The following WEE1 variants were observed in gnomAD, a reference collection of about 807,000 sequenced individuals.
The protein encoded by WEE1 is WEE1 G2 checkpoint kinase, also known as wee1-like protein kinase.
A neutral mutation model predicts 68.8 loss-of-function variants in WEE1; 16 were observed. That is an observed-to-expected ratio of 0.23 (90% CI 0.16 to 0.35). WEE1 has a LOEUF of 0.35. Among genes scored for constraint, WEE1 ranks in the 10% least tolerant of loss-of-function variants. WEE1 has a pLI of 1.00. For synonymous variants in WEE1, 349 were observed against 318.7 expected (o/e 1.09, Z -1.01); for missense variants, 651 against 824.1 (o/e 0.79, Z 2.57).
intron 6 of WEE1, among the ~76,000 whole-genome samples, chr11:9,583,788 CACACACACACACACATATATATAT>C (rs1849663058): frequency 3.3e-5 from 1 of 30,708 alleles, no homozygotes; most frequent in South Asian, 1.2e-3. Context: ...CACACACACA[CACACACACACACACATATATATAT>C]ATATATATAT....
At position 9,576,106 on chromosome 11, in the gene WEE1, T is replaced by C; in HGVS notation, c.782+13T>C. The C allele has an allele frequency of 6.2e-7, 1 of 1,613,574 alleles. No individual in the cohort carries two copies. The highest frequency in any genetic ancestry group is 8.5e-7 in the Non-Finnish European group (1 of 1,179,566). ...CGTATTGGAATGAGTAAGTCGTTTATTTAACAGTTTGGTTCTCCAAATAAC... is the reference window on the plus strand; with the variant it reads ...CGTATTGGAATGAGTAAGTCGTTTACTTAACAGTTTGGTTCTCCAAATAAC... On this transcript the variant is annotated intron_variant, in intron 2 of 10. Coordinates refer to ENST00000450114, the MANE Select transcript of WEE1 (RefSeq NM_003390.4). This position sits in a 1 kb window ranked among gnomAD's most constrained non-coding sequence, Gnocchi z 4.3.
intron 6 of WEE1, among the ~76,000 whole-genome samples, chr11:9,584,705 T>C (rs528412255): frequency 2.6e-5 from 4 of 152,300 alleles, no homozygotes; most frequent in African/African-American, 9.6e-5. Context: ...TACTACCTTT[T>C]TTGCTGAAGG....
In WEE1 at chr11:9,574,423, C is replaced by A. The variant is rs1022143825; in HGVS notation, c.490C>A (p.Arg164Ser). 3.3e-6 allele frequency: 4 copies of A among 1,218,798 alleles called. No homozygotes were observed. Among genetic ancestry groups the A allele is most frequent in the Non-Finnish European group, 3.0e-6 (3 of 985,062 alleles). 75.5% of individuals were successfully genotyped at this position (1,218,798 alleles called of 1,614,324 possible). ...GGCGCGCCGGGCGGGCGAAGGCCGC[C>A]GCTCGCCGCGGCCGGACCACCCGGG... ...CGARRAGEGRRSPRPDHPGTP... is the reference protein window; with the variant it reads ...CGARRAGEGRSSPRPDHPGTP... The change falls in exon 1 of 11, where the codon CGC becomes AGC. Residue 164 changes from arginine to serine, a missense_variant. Physicochemically the swap from Arg to Ser is moderately radical, Grantham distance 110. Transcript: ENST00000450114. This position sits in a 1 kb window ranked among gnomAD's most constrained non-coding sequence, Gnocchi z 4.9.
At chr11:9,586,300 A>C (rs747190217) in intron 8 of WEE1, 149 bp from the exon 9 acceptor site, 1 of 627,118 alleles carries the variant, frequency 1.6e-6, no homozygotes, top group Non-Finnish European at 2.6e-6. Context: ...CAAATTTAGC[A>C]GTTTATTCTC....
In WEE1 at chr11:9,581,292, GT is replaced by G. The variant is rs1383095236; in HGVS notation, c.1142-239del. On this transcript the variant is annotated intron_variant, in intron 5 of 10. Transcript: ENST00000450114. ...CTGGTTTACTCTGAGAAAGAAACAG[GT>G]GGATTGCTGAGGTGTATGATTGAGA... The G allele has an allele frequency of 1.6e-4, 67 of 406,158 alleles. No homozygotes were observed. The East Asian group carries it at 2.5e-3, about 15-fold the overall frequency. 25.2% of individuals were successfully genotyped at this position (406,158 alleles called of 1,614,324 possible).
In WEE1 at chr11:9,589,193, A is replaced by G. The variant is rs1338290968; in HGVS notation, c.*591A>G. 1.0e-6 allele frequency: 1 copy of G among 985,694 alleles called. No homozygotes were observed. The highest frequency in any genetic ancestry group is 1.7e-5 in the African/African-American group (1 of 57,212). 61.1% of individuals were successfully genotyped at this position (985,694 alleles called of 1,614,324 possible). On this transcript the variant is annotated 3_prime_UTR_variant, in exon 11 of 11. Coordinates refer to ENST00000450114, the MANE Select transcript of WEE1 (RefSeq NM_003390.4). ...TTGCTGTAAACTTGTAGCATTAAACAATCATTGTTGTTAATAGGTCTTCTT... is the reference window on the plus strand; with the variant it reads ...TTGCTGTAAACTTGTAGCATTAAACGATCATTGTTGTTAATAGGTCTTCTT...
chr11:9,580,581 C>T (rs989482302), intron 5 of WEE1: 5 of 150,748 alleles, frequency 3.3e-5, no homozygotes, highest in African/African-American at 7.3e-5. Flanking sequence ...CTCCTGCCTT[C>T]TGAGTAGCTG....
In WEE1 at chr11:9,589,239, T is replaced by G; in HGVS notation, c.*637T>G. The G allele has an allele frequency of 1.0e-6, 1 of 985,602 alleles. No individual in the cohort carries two copies. The highest frequency in any genetic ancestry group is 1.2e-6 in the Non-Finnish European group (1 of 829,814). The allele number at this position is 985,602 out of a possible 1,614,324, so 61.1% of individuals were successfully genotyped here. ...TTCTTTTTGAAACAATTATGTGAAA[T>G]GTATAGCTGCTTTTGATGAAAAGCA... On this transcript the variant is annotated 3_prime_UTR_variant, in exon 11 of 11. Coordinates refer to ENST00000450114, the MANE Select transcript of WEE1 (RefSeq NM_003390.4).
intron 6 of WEE1, 122 bp from the exon 7 acceptor site, chr11:9,585,131 GGGTTT>G: frequency 1.4e-6 from 1 of 738,894 alleles, no homozygotes; most frequent in Non-Finnish European, 2.2e-6. Flanking sequence ...CTTATTCCAT[GGGTTT>G]GGGCTAGAAC....
At position 9,574,076 on chromosome 11, in the gene WEE1, G is replaced by A. The variant is rs1482412007; in HGVS notation, c.143G>A (p.Ser48Asn). ...EEEEEEGSGH[S>N]TGEDSAFQEP... Reference sequence around the variant, plus strand: ...GAGGAGGAGGAGGGCAGCGGCCACAGCACCGGGGAGGACTCGGCCTTTCAA... The same window carrying A: ...GAGGAGGAGGAGGGCAGCGGCCACAACACCGGGGAGGACTCGGCCTTTCAA... Residue 48 changes from serine to asparagine, a missense_variant, in exon 1 of 11, where the codon AGC (serine) becomes AAC (asparagine). Physicochemically the swap from Ser to Asn is conservative, Grantham distance 46 (BLOSUM62 1). Transcript: ENST00000450114. This position sits in a 1 kb window ranked among gnomAD's most constrained non-coding sequence, Gnocchi z 4.9. 1 of 1,240,524 alleles carries A rather than the reference G, an allele frequency of 8.1e-7. No individual in the cohort carries two copies. The highest frequency in any genetic ancestry group is 1.0e-6 in the Non-Finnish European group (1 of 991,302). The allele number at this position is 1,240,524 out of a possible 1,614,324, so 76.8% of individuals were successfully genotyped here.
intron 6 of WEE1, 148 bp from the exon 7 acceptor site, chr11:9,585,110 C>A (rs1369951322): frequency 4.6e-6 from 3 of 652,050 alleles, no homozygotes; most frequent in Non-Finnish European, 7.8e-6. Context: ...TGGTTTCTGT[C>A]CCCTGAGATG....
At chr11:9,582,601 C>G (rs2134349919) in intron 6 of WEE1, among the ~76,000 whole-genome samples, 1 of 152,254 alleles carries the variant, frequency 6.6e-6, no homozygotes, top group South Asian at 2.1e-4. Flanking sequence ...GAGTCTCGCT[C>G]TGTTGCCCAG....
At chr11:9,577,354 ACTTTTAT>A in intron 5 of WEE1, 91 bp downstream of exon 5, 4 of 1,454,748 alleles carry the variant, frequency 2.7e-6, no homozygotes, top group Non-Finnish European at 3.7e-6. Flanking sequence ...TATTTCTGTC[ACTTTTAT>A]CTTTTATAAA....
At chr11:9,578,273 A>G (rs1486318043) in intron 5 of WEE1, 1 of 168,552 alleles carries the variant, frequency 5.9e-6, no homozygotes, top group Non-Finnish European at 1.3e-5. Flanking sequence ...AAGACCAGTT[A>G]TCTCATAACT....
chr11:9,577,817 C>T, intron 5 of WEE1: 2 of 449,412 alleles, frequency 4.5e-6, no homozygotes, highest in Admixed American at 4.9e-5. Context: ...TGTCGTCTCT[C>T]CCTCCTCTCC....
chr11:9,574,377 T>A lies in WEE1; in HGVS notation c.444T>A (p.Asp148Glu), dbSNP rs2134337608. ...CGGTGCGCTGCGGCGGCCCAGGAGA[T>A]GCGTCGCCGCGGGGTTGCGGGGCGC... ...FSPVRCGGPG[D>E]ASPRGCGARR... The change falls in exon 1 of 11, where the codon GAT (aspartate) becomes GAA (glutamate). Residue 148 changes from aspartate (D) to glutamate (E), a missense_variant. Asp to Glu is a conservative substitution (Grantham distance 45). Transcript: ENST00000450114. This position sits in a 1 kb window ranked among gnomAD's most constrained non-coding sequence, Gnocchi z 4.9. The A allele has an allele frequency of 8.2e-7, 1 of 1,221,974 alleles. No individual in the cohort carries two copies. The highest frequency in any genetic ancestry group is 3.7e-5 in the South Asian group (1 of 26,740). 75.7% of individuals were successfully genotyped at this position (1,221,974 alleles called of 1,614,324 possible).
At position 9,581,629 on chromosome 11, in the gene WEE1, C is replaced by T; in HGVS notation, c.1239C>T (p.Gly413=). ...LKDLLLQVGR[G]LRYIHSMSLV... ...ATCTCCTTTTGCAAGTTGGCCGAGG[C>T]TTGAGGTATATTCATTCAATGTCTT... The change falls in exon 6 of 11, where the codon GGC becomes GGT. Residue 413 remains glycine, a synonymous_variant. Coordinates refer to ENST00000450114, the MANE Select transcript of WEE1 (RefSeq NM_003390.4). 1 of 1,613,468 alleles carries T rather than the reference C, an allele frequency of 6.2e-7. No homozygotes were observed. The highest frequency in any genetic ancestry group is 8.5e-7 in the Non-Finnish European group (1 of 1,179,898).
Position 9,586,771 on chromosome 11 carries a change from G to C in WEE1, c.1702G>C (p.Val568Leu), listed in dbSNP as rs200001674. 1.2e-6 allele frequency: 2 copies of C among 1,614,094 alleles called. No individual in the cohort carries two copies. Among genetic ancestry groups the C allele is most frequent in the Admixed American group, 1.7e-5 (1 of 60,016 alleles). ...PSAMALVKHS[V>L]LLSASRKSAE... ...AGCAATGGCACTGGTAAAGCATTCA[G>C]TATTGCTGTCCGCTTCTAGAAAGAG... Residue 568 changes from valine to leucine, a missense_variant, in exon 10 of 11, where the codon GTA (valine) becomes CTA (leucine). Val to Leu is a conservative substitution (Grantham distance 32). Coordinates refer to ENST00000450114, the MANE Select transcript of WEE1 (RefSeq NM_003390.4).
At chr11:9,581,261 A>G in intron 5 of WEE1, 1 of 323,810 alleles carries the variant, frequency 3.1e-6, no homozygotes, top group Non-Finnish European at 5.6e-6. Context: ...AGCCAACCTG[A>G]TAATACTGGT....
Sources: allele counts gnomAD v4.1 joint callset (sites outside exome capture counted in the v4.1 genomes callset), GRCh38; gene constraint gnomAD v4.1.1; non-coding constraint Gnocchi (gnomAD v3.1); transcripts MANE v1.5; gene names NCBI Gene and HGNC (gene_info 2026-07-23, HGNC 2026-07-21).